LIMS2: variants seen among roughly 807,000 people sequenced by gnomAD.
LIMS2 encodes LIM zinc finger domain containing 2, also known as LIM and senescent cell antigen-like-containing domain protein 2.
Under a neutral mutation model 45.3 loss-of-function variants are expected in LIMS2, and 30 were observed. The observed-to-expected ratio is 0.66, with a 90% CI of 0.50 to 0.90. The LOEUF (loss-of-function observed/expected upper bound fraction) is 0.90. LIMS2 is among the 40% of genes least tolerant of loss of function. The probability of loss-of-function intolerance (pLI) is 0.00; values close to 1 mark genes in which losing one functional copy is unlikely to be tolerated. For synonymous variants in LIMS2, 173 were observed against 188.0 expected (o/e 0.92, Z 0.65); for missense variants, 485 against 468.7 (o/e 1.03, Z -0.32).
upstream of LIMS2, among the ~76,000 whole-genome samples, chr2:127,678,639 C>T (rs1054747822): frequency 4.6e-5 from 7 of 151,984 alleles, no homozygotes; most frequent in Non-Finnish European, 7.4e-5. The surrounding 1 kb of genome is among the most constrained non-coding windows in gnomAD (Gnocchi z 5.3). Flanking sequence ...TGTGTGTGGC[C>T]GGCGTGGGCG....
chr2:127,644,923 C>T (rs1251320274), intron 4 of LIMS2, among the ~76,000 whole-genome samples: 1 of 152,246 alleles, frequency 6.6e-6, no homozygotes, highest in Non-Finnish European at 1.5e-5. Flanking sequence ...CTGGGAAGCC[C>T]ATCTCTCTTG....
intron 1 of LIMS2, among the ~76,000 whole-genome samples, chr2:127,658,112 G>A (rs1331251185): frequency 6.6e-6 from 1 of 152,250 alleles, no homozygotes; most frequent in Non-Finnish European, 1.5e-5. Flanking sequence ...GGGTGCGTGT[G>A]CAGAATGGCT....
intron 4 of LIMS2, among the ~76,000 whole-genome samples, chr2:127,648,780 G>A (rs34011500): frequency 4.2e-4 from 63 of 151,764 alleles, no homozygotes; most frequent in African/African-American, 1.5e-3. Flanking sequence ...AATTAGCCGG[G>A]TGTGGTGGTG....
chr2:127,642,700 G>GC lies in LIMS2; in HGVS notation c.509+222dup. ...CCCACCCGCCTCCTGAGTCTCAAGT[G>GC]CCCCCCAAACAGAGCCCTGGAGAGA... On this transcript the variant is annotated intron_variant, in intron 5 of 9. Coordinates refer to ENST00000355119, the MANE Select transcript of LIMS2 (RefSeq NM_001161403.3). This position sits in a 1 kb window ranked among gnomAD's most constrained non-coding sequence, Gnocchi z 5.3. The GC allele has an allele frequency of 1.8e-6, 1 of 560,810 alleles. No individual in the cohort carries two copies. The allele number at this position is 560,810 out of a possible 1,614,324, so 34.7% of individuals were successfully genotyped here.
At chr2:127,649,007 A>G (rs1235361845) in intron 4 of LIMS2, among the ~76,000 whole-genome samples, 14 of 25,068 alleles carry the variant, frequency 5.6e-4, no homozygotes, top group African/African-American at 7.0e-4. Context: ...GGAGGGGAGG[A>G]AGGGGAGGGA....
intron 1 of LIMS2, chr2:127,674,536 C>T: frequency 1.2e-6 from 1 of 811,196 alleles, no homozygotes; most frequent in Non-Finnish European, 1.5e-6. Context: ...TGGCCAAGTT[C>T]CAACATACCC....
rs957723459 is a variant in LIMS2, at chr2:127,667,348, C to G, written c.11+7666G>C. Among the ~76,000 whole-genome samples, 6 of 152,144 alleles carry G rather than the reference C, an allele frequency of 3.9e-5. No homozygotes were observed. In the South Asian group the frequency reaches 1.2e-3, roughly 32 times the overall value. ...CAAACCTTCACAAAATCTTTCCAAACAAAAGAAAAGAAAGACTAGGAGGGA... is the reference window on the plus strand; with the variant it reads ...CAAACCTTCACAAAATCTTTCCAAAGAAAAGAAAAGAAAGACTAGGAGGGA... On this transcript the variant is annotated intron_variant, in intron 1 of 9. Transcript: ENST00000355119. The surrounding 1 kb of genome is among the most constrained non-coding windows in gnomAD (Gnocchi z 4.1).
chr2:127,648,063 C>T (rs189624221), intron 4 of LIMS2: 84 of 985,776 alleles, frequency 8.5e-5, no homozygotes, highest in African/African-American at 5.9e-4. Context: ...CTCAGCTCTC[C>T]GCCCTCACCG....
rs11689720 is a variant in LIMS2 at position 127,653,218 on chromosome 2, C to T, written c.359+1206G>A. On this transcript the variant is annotated intron_variant, in intron 4 of 9. Coordinates refer to ENST00000355119, the MANE Select transcript of LIMS2 (RefSeq NM_001161403.3). The surrounding 1 kb of genome is among the most constrained non-coding windows in gnomAD (Gnocchi z 5.3). ...GCTCGGTAGTGTCGGGGAAGCATCTCGGAGGAGCTGCGGGAGGGAGCAGAG... is the reference window on the plus strand; with the variant it reads ...GCTCGGTAGTGTCGGGGAAGCATCTTGGAGGAGCTGCGGGAGGGAGCAGAG... Among the ~76,000 whole-genome samples, 30,584 of 152,158 alleles carry T rather than the reference C, an allele frequency of 0.2. 3,851 individuals carry two copies. The highest frequency in any genetic ancestry group is 0.36 in the African/African-American group (14,723 of 41,460).
In LIMS2 at chr2:127,643,075, G is replaced by A; in HGVS notation, c.360-3C>T. 1.3e-6 allele frequency: 2 copies of A among 1,569,426 alleles called. No homozygotes were observed. Among genetic ancestry groups the A allele is most frequent in the East Asian group, 4.7e-5 (2 of 42,706 alleles). Reference sequence around the variant, plus strand: ...TGTGGCAAGGCCGGCAGAGATGCCTGCGGGAGGCGGGGGCATTAGGGGCAG... The same window carrying A: ...TGTGGCAAGGCCGGCAGAGATGCCTACGGGAGGCGGGGGCATTAGGGGCAG... On this transcript the variant is annotated splice_polypyrimidine_tract_variant and splice_region_variant and intron_variant, in intron 4 of 9. Transcript: ENST00000355119.
At chr2:127,643,151 C>A in intron 4 of LIMS2, 79 bp from the exon 5 acceptor site, 1 of 1,449,110 alleles carries the variant, frequency 6.9e-7, no homozygotes, top group East Asian at 2.5e-5. Context: ...AGAGGCCAGA[C>A]CCCTGCAACT....
rs1439048544 is a variant in LIMS2, at chr2:127,664,073, C to G, written c.12-6511G>C. On this transcript the variant is annotated intron_variant, in intron 1 of 9. Coordinates refer to ENST00000355119, the MANE Select transcript of LIMS2 (RefSeq NM_001161403.3). This position sits in a 1 kb window ranked among gnomAD's most constrained non-coding sequence, Gnocchi z 5.5. ...GGGGGCTACACAGGCTCCCTCGTCT[C>G]TAACATAGGTCCCTGGGCGCACCCT... 6.6e-6 allele frequency among the ~76,000 whole-genome samples: 1 copy of G among 152,212 alleles called. No homozygotes were observed. The highest frequency in any genetic ancestry group is 1.5e-5 in the Non-Finnish European group (1 of 68,038).
At position 127,657,553 on chromosome 2, in the gene LIMS2, C is replaced by T. The variant is rs748983432; in HGVS notation, c.21G>A (p.Ser7=). ...GGCACACGGCGTTGGCCAAGGCGTC[C>T]GACATATTGCTGGGGGCAGGAGACA... MTGSNM[S]DALANAVCQR... The change falls in exon 2 of 10, where the codon TCG becomes TCA. Residue 7 remains serine (S), a synonymous_variant. Transcript: ENST00000355119. 8 of 1,599,602 alleles carry T rather than the reference C, an allele frequency of 5.0e-6. No homozygotes were observed. Among genetic ancestry groups the T allele is most frequent in the African/African-American group, 2.7e-5 (2 of 74,822 alleles).
chr2:127,651,713 G>C, intron 4 of LIMS2: 1 of 1,613,048 alleles, frequency 6.2e-7, no homozygotes, highest in East Asian at 2.2e-5. Context: ...GCTTCGAAGG[G>C]AAAACCAACG....
intron 1 of LIMS2, among the ~76,000 whole-genome samples, chr2:127,660,456 C>G (rs532180201): frequency 6.6e-6 from 1 of 152,308 alleles, no homozygotes; most frequent in South Asian, 2.1e-4. Context: ...AATCCTGAAG[C>G]CAGCGAGACC....
chr2:127,655,054 A>G, intron 2 of LIMS2, 158 bp from the exon 3 acceptor site: 1 of 727,822 alleles, frequency 1.4e-6, no homozygotes, highest in Non-Finnish European at 2.5e-6. Context: ...GCCTGGCCAG[A>G]GAGGACACTG....
In LIMS2 at chr2:127,642,810, C is replaced by T; in HGVS notation, c.509+113G>A. ...TCTCGGGACCCCTCTGTCTGCCCAC[C>T]CTGCTCCCCTCTCCCTCCTCAACAC... is the stretch of plus-strand genomic sequence containing the variant. On this transcript the variant is annotated intron_variant, in intron 5 of 9. Transcript: ENST00000355119. This position sits in a 1 kb window ranked among gnomAD's most constrained non-coding sequence, Gnocchi z 5.3. 8.0e-7 allele frequency: 1 copy of T among 1,243,108 alleles called. No individual in the cohort carries two copies. The allele number at this position is 1,243,108 out of a possible 1,614,324, so 77.0% of individuals were successfully genotyped here. A position where few individuals can be genotyped will look rare whatever the true frequency, so the allele number is the denominator to read the frequency against.
At chr2:127,674,574 C>T in intron 1 of LIMS2, 1 of 932,684 alleles carries the variant, frequency 1.1e-6, no homozygotes, top group South Asian at 4.9e-5. Flanking sequence ...TTTTACCACC[C>T]CAGGTTTACA....
chr2:127,639,496 G>A (rs1682181788), intron 9 of LIMS2, 68 bp from the exon 10 acceptor site: 2 of 1,578,534 alleles, frequency 1.3e-6, no homozygotes, highest in Non-Finnish European at 1.7e-6. Context: ...AGGTGACTGT[G>A]GAGTGGGCTT....
Sources: gnomAD v4.1 joint callset for allele counts (sites outside exome capture counted in the v4.1 genomes callset) on GRCh38, gnomAD v4.1.1 for gene constraint, Gnocchi (gnomAD v3.1) non-coding constraint, MANE v1.5 for transcripts, NCBI Gene and HGNC (gene_info 2026-07-23, HGNC 2026-07-21) for gene names.